Variants in NUCB2 observed in about 807,000 individuals in gnomAD.
NUCB2 encodes nucleobindin-2.
In NUCB2, 48 loss-of-function variants were observed where a neutral mutation model predicts 57.9. That is an observed-to-expected ratio of 0.83 (90% CI 0.66 to 1.05). The LOEUF (loss-of-function observed/expected upper bound fraction) is 1.05, where lower values mean the gene tolerates loss of function less well. Among genes scored for constraint, NUCB2 ranks in the 50% least tolerant of loss-of-function variants. The pLI is 0.00. For missense variants in NUCB2, 442 were observed against 476.2 expected (o/e 0.93, Z 0.67); for synonymous variants, 139 against 152.1 (o/e 0.91, Z 0.64).
At chr11:17,298,686 G>A (rs574756108) in intron 4 of NUCB2, among the ~76,000 whole-genome samples, 1 of 151,422 alleles carries the variant, frequency 6.6e-6, no homozygotes, top group East Asian at 1.9e-4. Flanking sequence ...AAAAAAGTTA[G>A]AATTTTCTCT....
chr11:17,283,723 C>T (rs214072), intron 2 of NUCB2, among the ~76,000 whole-genome samples: 32,641 of 152,166 alleles, frequency 0.21, 4,404 homozygotes, highest in East Asian at 0.35. Flanking sequence ...AAAGAGCTAA[C>T]ATTTATTGAG....
At chr11:17,343,992 A>G (rs900535157) in intron 2 of NUCB2, among the ~76,000 whole-genome samples, 2 of 152,154 alleles carry the variant, frequency 1.3e-5, no homozygotes, top group Non-Finnish European at 2.9e-5. Flanking sequence ...CCTTTGCAGA[A>G]AAGTCAGTTT....
chr11:17,348,660 A>G, intron 2 of NUCB2, among the ~76,000 whole-genome samples: 1 of 151,318 alleles, frequency 6.6e-6, no homozygotes, highest in African/African-American at 2.4e-5. Flanking sequence ...TTTTGAAGCT[A>G]AGGACTGTGC....
At chr11:17,349,300 T>G (rs574878025) in intron 2 of NUCB2, 1 of 152,342 alleles carries the variant, frequency 6.6e-6, no homozygotes, top group South Asian at 2.1e-4. Flanking sequence ...ATGAGAACAT[T>G]TTAAATAAGA....
At chr11:17,317,333 T>C (rs975806222) in intron 11 of NUCB2, among the ~76,000 whole-genome samples, 4 of 152,136 alleles carry the variant, frequency 2.6e-5, no homozygotes, top group Admixed American at 2.0e-4. Flanking sequence ...TGTGTACATA[T>C]ATATAAAGTT....
At chr11:17,281,980 C>G (rs887139293) in intron 1 of NUCB2, among the ~76,000 whole-genome samples, 1 of 151,286 alleles carries the variant, frequency 6.6e-6, no homozygotes, top group African/African-American at 2.4e-5. Flanking sequence ...AATATTTCAT[C>G]TTATTACTGA....
At chr11:17,277,229 G>A (rs1941521643) in intron 1 of NUCB2, 1 of 152,282 alleles carries the variant, frequency 6.6e-6, no homozygotes, top group South Asian at 2.1e-4. Context: ...AGCAAAGCTA[G>A]GCCCGGGGAT....
intron 5 of NUCB2, among the ~76,000 whole-genome samples, chr11:17,303,336 A>G (rs966493359): frequency 3.2e-4 from 48 of 152,308 alleles, no homozygotes; most frequent in African/African-American, 1.2e-3. Context: ...TCCAAAGAAT[A>G]CTATCTCATG....
intron 11 of NUCB2, among the ~76,000 whole-genome samples, 186 bp from the exon 12 acceptor site, chr11:17,329,940 TC>T (rs1347165417): frequency 6.6e-6 from 1 of 152,228 alleles, no homozygotes; most frequent in East Asian, 1.9e-4. Context: ...GAGTTTTTCT[TC>T]CTGTTTTTCC....
chr11:17,326,685 G>T lies in NUCB2; in HGVS notation c.1003-3442G>T, dbSNP rs565869363. On this transcript the variant is annotated intron_variant, in intron 11 of 13. Transcript: ENST00000529010. ...GTAGTTATTATTTTATTTATTTTTA[G>T]TTATTTTTGATCGGTTCCTCGTTTG... is the stretch of plus-strand genomic sequence containing the variant. 6.9e-4 allele frequency among the ~76,000 whole-genome samples: 105 copies of T among 152,178 alleles called. 1 individual carries two copies. The South Asian group carries it at 0.021, about 30-fold the overall frequency.
chr11:17,345,454 A>G (rs1382920821), intron 2 of NUCB2, among the ~76,000 whole-genome samples: 1 of 152,214 alleles, frequency 6.6e-6, no homozygotes, highest in African/African-American at 2.4e-5. Context: ...CACGCCTGTA[A>G]TCCCAGTACT....
intron 1 of NUCB2, among the ~76,000 whole-genome samples, chr11:17,282,252 A>C (rs61881922): frequency 1.4e-3 from 132 of 95,388 alleles, no homozygotes; most frequent in Middle Eastern, 9.2e-3. Flanking sequence ...ATATATATAT[A>C]TATATATTTT....
chr11:17,315,474 A>G lies in NUCB2; in HGVS notation c.1001A>G (p.Glu334Gly). 1 of 1,588,098 alleles carries G rather than the reference A, an allele frequency of 6.3e-7. No individual in the cohort carries two copies. Among genetic ancestry groups the G allele is most frequent in the Non-Finnish European group, 8.6e-7 (1 of 1,157,010 alleles). ...GAATTCTTGGAGCCAGATAGCTGGG[A>G]GGTAATAGAACCTACTCTAAATGAG... Reference protein sequence around the residue: ...KKEFLEPDSWETLDQQQFFTE... With the variant: ...KKEFLEPDSWGTLDQQQFFTE... The change falls in exon 11 of 14, where the codon GAG becomes GGG. Residue 334 changes from glutamate to glycine, a missense_variant and splice_region_variant. Transcript: ENST00000529010.
intron 2 of NUCB2, among the ~76,000 whole-genome samples, chr11:17,339,311 G>T (rs572221935): frequency 3.7e-4 from 57 of 152,192 alleles, no homozygotes; most frequent in African/African-American, 1.4e-3. Flanking sequence ...AATGAGTAAT[G>T]ATTTATTTTC....
chr11:17,348,319 GTTTTTTTTTTT>G (rs55741571), intron 2 of NUCB2, among the ~76,000 whole-genome samples: 1 of 84,452 alleles, frequency 1.2e-5, no homozygotes, highest in African/African-American at 5.0e-5. Context: ...TTGTTTTTGT[GTTTTTTTTTTT>G]TTTTTTTTTT....
In NUCB2 at chr11:17,331,666, T is replaced by C; in HGVS notation, c.*247T>C. The C allele has an allele frequency of 2.8e-6, 1 of 360,088 alleles. No homozygotes were observed. Among genetic ancestry groups the C allele is most frequent in the Non-Finnish European group, 5.0e-6 (1 of 200,836 alleles). The allele number at this position is 360,088 out of a possible 1,614,324, so 22.3% of individuals were successfully genotyped here. A position where few individuals can be genotyped will look rare whatever the true frequency, so the allele number is the denominator to read the frequency against. On this transcript the variant is annotated 3_prime_UTR_variant, in exon 14 of 14. Transcript: ENST00000529010. ...TCTCACATTCACACGGCTCTTTTATTTATTTTTTTGTTCTCCTTTAATGAT... is the reference window on the plus strand; with the variant it reads ...TCTCACATTCACACGGCTCTTTTATCTATTTTTTTGTTCTCCTTTAATGAT...
intron 1 of NUCB2, among the ~76,000 whole-genome samples, chr11:17,278,207 A>T: frequency 8.7e-6 from 1 of 114,652 alleles, no homozygotes; most frequent in Non-Finnish European, 1.7e-5. Flanking sequence ...ATGGAGTCTC[A>T]CTCTGTCACC....
intron 2 of NUCB2, among the ~76,000 whole-genome samples, chr11:17,287,398 G>A (rs763063228): frequency 6.6e-6 from 1 of 152,070 alleles, no homozygotes; most frequent in Non-Finnish European, 1.5e-5. Flanking sequence ...AAGGCCGGGC[G>A]TGGTGGCTCA....
Position 17,295,411 on chromosome 11 carries a change from G to A in NUCB2, c.88G>A (p.Asp30Asn). 1.2e-6 allele frequency: 2 copies of A among 1,613,356 alleles called. No homozygotes were observed. Among genetic ancestry groups the A allele is most frequent in the Non-Finnish European group, 1.7e-6 (2 of 1,179,750 alleles). ...TALEAVPIDI[D>N]KTKVQNIHPV... Reference sequence around the variant, plus strand: ...TCTTGAAGCTGTGCCTATTGACATAGACAAGACAAAAGTACAAAATATTCA... The same window carrying A: ...TCTTGAAGCTGTGCCTATTGACATAAACAAGACAAAAGTACAAAATATTCA... Residue 30 changes from aspartate to asparagine, a missense_variant, in exon 3 of 14, where the codon GAC (aspartate) becomes AAC (asparagine). Asp to Asn is a conservative substitution (Grantham distance 23). Transcript: ENST00000529010.
Sources: allele counts gnomAD v4.1 joint callset (sites outside exome capture counted in the v4.1 genomes callset), GRCh38; gene constraint gnomAD v4.1.1; transcripts MANE v1.5; gene names NCBI Gene and HGNC (gene_info 2026-07-23, HGNC 2026-07-21).